Variants in NEBL observed in about 807,000 individuals in gnomAD.
NEBL encodes LIM and SH3 protein 2.
In NEBL, 122 loss-of-function variants were observed where a neutral mutation model predicts 140.2. The observed-to-expected ratio is 0.87, with a 90% confidence interval of 0.75 to 1.01. NEBL has a LOEUF of 1.01. Among genes scored for constraint, NEBL ranks in the 50% least tolerant of loss-of-function variants. NEBL has a pLI of 0.00. For synonymous variants in NEBL, 436 were observed against 398.9 expected (o/e 1.09, Z -1.11); for missense variants, 1,365 against 1,231.3 (o/e 1.11, Z -1.62).
intron 2 of NEBL, chr10:21,146,430 C>G (rs1319865899): frequency 6.2e-7 from 1 of 1,613,694 alleles, no homozygotes; most frequent in Admixed American, 1.7e-5. Context: ...CTCATATAAG[C>G]TAGAGGACAG....
At chr10:21,004,358 T>A (rs990028457) in intron 3 of NEBL, among the ~76,000 whole-genome samples, 2 of 151,886 alleles carry the variant, frequency 1.3e-5, no homozygotes, top group African/African-American at 4.8e-5. Context: ...GGAAAAAAAA[T>A]GCCAGGAGTG....
chr10:21,051,850 T>C (rs1298813412), intron 2 of NEBL, among the ~76,000 whole-genome samples: 1 of 152,180 alleles, frequency 6.6e-6, no homozygotes, highest in Non-Finnish European at 1.5e-5. Flanking sequence ...TGATCACATT[T>C]GTTCCTTAAG....
intron 2 of NEBL, among the ~76,000 whole-genome samples, chr10:21,038,244 G>T (rs952591556): frequency 6.6e-6 from 1 of 152,132 alleles, no homozygotes; most frequent in East Asian, 1.9e-4. Context: ...TGCAGAACAT[G>T]CAGGTTTGTT....
intron 1 of NEBL, among the ~76,000 whole-genome samples, chr10:21,270,140 T>C (rs1842844644): frequency 6.6e-6 from 1 of 152,182 alleles, no homozygotes; most frequent in African/African-American, 2.4e-5. Flanking sequence ...AATGGTGGCA[T>C]CATCTGGTGG....
At chr10:21,250,487 A>G (rs1333990066) in intron 2 of NEBL, among the ~76,000 whole-genome samples, 1 of 152,102 alleles carries the variant, frequency 6.6e-6, no homozygotes, top group East Asian at 1.9e-4. Context: ...TACTTAATAA[A>G]CCACCCTTTA....
intron 3 of NEBL, among the ~76,000 whole-genome samples, chr10:21,211,065 A>T (rs573807757): frequency 6.6e-6 from 1 of 152,354 alleles, no homozygotes; most frequent in African/African-American, 2.4e-5. Flanking sequence ...GCAACATGTC[A>T]CAGATTCAGT....
chr10:20,797,181 T>C (rs1369972055), intron 26 of NEBL, among the ~76,000 whole-genome samples: 4 of 152,214 alleles, frequency 2.6e-5, no homozygotes, highest in Admixed American at 1.3e-4. Flanking sequence ...AATACTACTG[T>C]CCATGTTGTA....
At position 20,817,459 on chromosome 10, in the gene NEBL, A is replaced by C. The variant is rs1017962325; in HGVS notation, c.2148+141T>G. ...TGTACCCACAATACCAAAGTCCCCG[A>C]AATCTTTCAAATAAGTTGTTAGTCA... On this transcript the variant is annotated intron_variant, in intron 21 of 27. Transcript: ENST00000377122. The C allele has an allele frequency of 6.3e-6, 5 of 792,940 alleles. No homozygotes were observed. The African/African-American group carries it at 8.6e-5, about 14-fold the overall frequency. 49.1% of individuals were successfully genotyped at this position (792,940 alleles called of 1,614,324 possible). A position where few individuals can be genotyped will look rare whatever the true frequency, so the allele number is the denominator to read the frequency against.
At chr10:21,159,320 C>T (rs1371377513) in intron 2 of NEBL, among the ~76,000 whole-genome samples, 8 of 152,096 alleles carry the variant, frequency 5.3e-5, no homozygotes, top group Admixed American at 1.3e-4. Context: ...CATCGTTTAT[C>T]TTAGAGTTTC....
In NEBL at chr10:21,280,772, G is replaced by T. The variant is rs372225153; in HGVS notation, n.182+12058C>A. 6.6e-5 allele frequency among the ~76,000 whole-genome samples: 10 copies of T among 151,758 alleles called. No homozygotes were observed. The South Asian group carries it at 2.1e-3, about 32-fold the overall frequency. On this transcript the variant is annotated intron_variant and non_coding_transcript_variant, in intron 1 of 8. Coordinates refer to the NEBL transcript ENST00000675702. The stretch of plus-strand genomic sequence containing the variant: ...TGGGATTACAGGCACACACCATCGC[G>T]CATGGCTAATTGTTGTATTTTTAGT...
At chr10:20,922,355 A>C (rs549858459) in intron 4 of NEBL, among the ~76,000 whole-genome samples, 6 of 152,354 alleles carry the variant, frequency 3.9e-5, no homozygotes, top group African/African-American at 1.4e-4. Flanking sequence ...CATTAAAAGC[A>C]TGAGAACGAT....
intron 3 of NEBL, among the ~76,000 whole-genome samples, chr10:21,193,079 G>C (rs1260555710): frequency 1.3e-5 from 2 of 152,140 alleles, no homozygotes; most frequent in Admixed American, 6.5e-5. Context: ...CAGACAGAGG[G>C]AAGAGCGTGT....
intron 12 of NEBL, among the ~76,000 whole-genome samples, chr10:20,843,114 G>A (rs186599369): frequency 6.6e-4 from 101 of 152,184 alleles, no homozygotes; most frequent in African/African-American, 2.2e-3. Flanking sequence ...AGGGTTAGAT[G>A]GGATTGTGAG....
chr10:21,143,691 C>G (rs1839754652), intron 2 of NEBL, among the ~76,000 whole-genome samples: 1 of 151,984 alleles, frequency 6.6e-6, no homozygotes, highest in African/African-American at 2.4e-5. Flanking sequence ...CCTTGGCAAA[C>G]CACCCCACTT....
At chr10:20,816,084 A>G in intron 21 of NEBL, among the ~76,000 whole-genome samples, 1 of 152,160 alleles carries the variant, frequency 6.6e-6, no homozygotes, top group Middle Eastern at 3.2e-3. Context: ...ATTTATTTTA[A>G]TGAGTTAGTC....
intron 1 of NEBL, among the ~76,000 whole-genome samples, chr10:21,264,150 T>C (rs774990190): frequency 1.3e-5 from 2 of 152,242 alleles, no homozygotes; most frequent in Non-Finnish European, 2.9e-5. Context: ...AAGAAGTTTA[T>C]ACTGTGGTTG....
upstream of NEBL, chr10:20,899,613 C>T (rs1272548310): frequency 6.3e-6 from 2 of 319,610 alleles, no homozygotes; most frequent in Non-Finnish European, 1.2e-5. Flanking sequence ...CCCTCTCTTT[C>T]ACAGATGACA....
intron 16 of NEBL, among the ~76,000 whole-genome samples, chr10:20,829,145 G>A (rs940552853): frequency 2.0e-5 from 3 of 151,998 alleles, no homozygotes; most frequent in Admixed American, 6.6e-5. Flanking sequence ...GTAAGTATCA[G>A]AGCCTCAACT....
At chr10:21,251,528 A>G (rs1333850376) in intron 2 of NEBL, among the ~76,000 whole-genome samples, 1 of 152,218 alleles carries the variant, frequency 6.6e-6, no homozygotes, top group Non-Finnish European at 1.5e-5. Flanking sequence ...TTATTAGGAA[A>G]TAAGGTCTCT....
Sources: allele counts gnomAD v4.1 joint callset (sites outside exome capture counted in the v4.1 genomes callset), GRCh38; gene constraint gnomAD v4.1.1; transcripts MANE v1.5; gene names NCBI Gene and HGNC (gene_info 2026-07-23, HGNC 2026-07-21).